UPF2: variants seen among roughly 807,000 people sequenced by gnomAD.
UPF2 encodes the protein UPF2 regulator of nonsense mediated mRNA decay, also known as regulator of nonsense transcripts 2.
A neutral mutation model predicts 141.4 loss-of-function variants in UPF2; 17 were observed. The ratio of observed to expected loss-of-function variants is 0.12; its 90% CI spans 0.08 to 0.18. The LOEUF is 0.18. UPF2 is among the 10% of genes least tolerant of loss of function. The pLI, the probability that UPF2 is intolerant of heterozygous loss-of-function variation, is 1.00. For synonymous variants in UPF2, 540 were observed against 498.0 expected (o/e 1.08, Z -1.12); for missense variants, 1,152 against 1,515.9 (o/e 0.76, Z 3.99).
At chr10:12,030,724 A>G (rs541768038) in intron 2 of UPF2, among the ~76,000 whole-genome samples, 9 of 151,362 alleles carry the variant, frequency 5.9e-5, no homozygotes, top group Admixed American at 3.3e-4. Context: ...TCTACTAAAA[A>G]TAACAAAAAA....
intron 18 of UPF2, among the ~76,000 whole-genome samples, chr10:11,937,714 T>C: frequency 6.6e-6 from 1 of 152,156 alleles, no homozygotes; most frequent in Non-Finnish European, 1.5e-5. Flanking sequence ...AGGCCCTCAA[T>C]GTCTTAGAAA....
intron 9 of UPF2, among the ~76,000 whole-genome samples, chr10:11,974,332 A>C (rs1833470072): frequency 6.6e-6 from 1 of 152,138 alleles, no homozygotes; most frequent in African/African-American, 2.4e-5. Flanking sequence ...AACAGGGACA[A>C]TTTGACTTCC....
chr10:11,986,139 C>T (rs1833688666), intron 8 of UPF2, among the ~76,000 whole-genome samples: 1 of 152,004 alleles, frequency 6.6e-6, no homozygotes, highest in Non-Finnish European at 1.5e-5. Flanking sequence ...CCGCCTCAGC[C>T]TCCCAAAGTG....
At chr10:11,983,558 G>T (rs10752251) in intron 8 of UPF2, among the ~76,000 whole-genome samples, 1 of 152,092 alleles carries the variant, frequency 6.6e-6, no homozygotes, top group African/African-American at 2.4e-5. Flanking sequence ...ATTTTTAGTA[G>T]AGACGGGGTT....
At chr10:11,990,678 C>CA (rs10650923) in intron 8 of UPF2, among the ~76,000 whole-genome samples, 5,062 of 97,930 alleles carry the variant, frequency 0.052, 367 homozygotes, top group African/African-American at 0.19. Context: ...GACTCTGTCT[C>CA]AAAAAAAAAA....
intron 3 of UPF2, among the ~76,000 whole-genome samples, chr10:12,020,312 C>T (rs1466867066): frequency 3.3e-5 from 5 of 151,288 alleles, no homozygotes; most frequent in South Asian, 2.1e-4. Flanking sequence ...AGTGCAATGG[C>T]GCAATCTCGG....
In UPF2 at chr10:11,959,031, ATTCCTTC is replaced by A. The variant is rs1194451137; in HGVS notation, c.2370+133_2370+139del. 4.7e-6 allele frequency: 3 copies of A among 638,188 alleles called. No individual in the cohort carries two copies. The highest frequency in any genetic ancestry group is 6.9e-6 in the Non-Finnish European group (3 of 433,334). 39.5% of individuals were successfully genotyped at this position (638,188 alleles called of 1,614,324 possible). A position where few individuals can be genotyped will look rare whatever the true frequency, so the allele number is the denominator to read the frequency against. ...CCAAATATTATATATCATCATAAGAATTCCTTCTTAGGGTGACTTACACAGAGCTGAT... is the reference window on the plus strand; with the variant it reads ...CCAAATATTATATATCATCATAAGAATTAGGGTGACTTACACAGAGCTGAT... On this transcript the variant is annotated intron_variant, in intron 12 of 21. Transcript: ENST00000357604. This position sits in a 1 kb window ranked among gnomAD's most constrained non-coding sequence, Gnocchi z 5.9.
intron 9 of UPF2, among the ~76,000 whole-genome samples, chr10:11,968,948 C>T (rs2131209662): frequency 6.6e-6 from 1 of 152,124 alleles, no homozygotes; most frequent in South Asian, 2.1e-4. Context: ...GCGACCTCCA[C>T]CTCCTGGGTT....
chr10:12,007,916 A>C (rs1378295743), intron 4 of UPF2, among the ~76,000 whole-genome samples: 1 of 149,880 alleles, frequency 6.7e-6, no homozygotes, highest in Non-Finnish European at 1.5e-5. Flanking sequence ...TCTGACATGG[A>C]GTCTCGCTCT....
At position 11,992,143 on chromosome 10, in the gene UPF2, CA is replaced by C. The variant is rs111374153; in HGVS notation, c.1844+5528del. Among the ~76,000 whole-genome samples, 21 of 138,078 alleles carry C rather than the reference CA, an allele frequency of 1.5e-4. No homozygotes were observed. Among genetic ancestry groups the C allele is most frequent in the African/African-American group, 1.3e-4 (5 of 37,344 alleles). 90.6% of individuals were successfully genotyped at this position (138,078 alleles called of 152,430 possible). A position where few individuals can be genotyped will look rare whatever the true frequency, so the allele number is the denominator to read the frequency against. On this transcript the variant is annotated intron_variant, in intron 8 of 21. Coordinates refer to ENST00000357604, the MANE Select transcript of UPF2 (RefSeq NM_015542.4). This position sits in a 1 kb window ranked among gnomAD's most constrained non-coding sequence, Gnocchi z 4.1. ...TGGGCAATAGAGCAAAACTCAGTCT[CA>C]AAAAAAAAAATGAAAATGACCTTCA...
intron 2 of UPF2, among the ~76,000 whole-genome samples, chr10:12,030,654 C>T (rs1470860940): frequency 1.3e-5 from 2 of 151,730 alleles, no homozygotes; most frequent in Admixed American, 6.6e-5. Flanking sequence ...GAGGCCGAGG[C>T]AGGCAGATCA....
chr10:11,931,057 G>T lies in UPF2; in HGVS notation c.3688+584C>A, dbSNP rs1832776856. Among the ~76,000 whole-genome samples the T allele has an allele frequency of 6.6e-6, 1 of 152,128 alleles. No individual in the cohort carries two copies. The highest frequency in any genetic ancestry group is 2.4e-5 in the African/African-American group (1 of 41,402). On this transcript the variant is annotated intron_variant, in intron 20 of 21. Coordinates refer to ENST00000357604, the MANE Select transcript of UPF2 (RefSeq NM_015542.4). The surrounding 1 kb of genome is among the most constrained non-coding windows in gnomAD (Gnocchi z 5.9). ...ATGCATAAAATGAGAATCCTAATTT[G>T]AGTATTTCCTCAAATCTGAAGGAAC...
chr10:11,987,382 T>C (rs1480382800), intron 8 of UPF2, among the ~76,000 whole-genome samples: 5 of 152,222 alleles, frequency 3.3e-5, no homozygotes, highest in African/African-American at 1.2e-4. Flanking sequence ...ATTAGTTGTG[T>C]GTATAGCTAT....
At chr10:12,017,023 A>G (rs890717008) in intron 3 of UPF2, among the ~76,000 whole-genome samples, 8 of 114,896 alleles carry the variant, frequency 7.0e-5, no homozygotes, top group Non-Finnish European at 1.1e-4. Flanking sequence ...CCATCTCGGA[A>G]AAAAAAAAAA....
rs1833561673 is a variant in UPF2 at position 11,979,710 on chromosome 10, T to C, written c.1845-545A>G. On this transcript the variant is annotated intron_variant, in intron 8 of 21. Coordinates refer to ENST00000357604, the MANE Select transcript of UPF2 (RefSeq NM_015542.4). The surrounding 1 kb of genome is among the most constrained non-coding windows in gnomAD (Gnocchi z 6.2). ...TCATGAGGTAAAGAGATCAAGACTA[T>C]CCTGGCTAACACGGTGAAACCCCGT... Among the ~76,000 whole-genome samples the C allele has an allele frequency of 6.6e-6, 1 of 152,056 alleles. No individual in the cohort carries two copies. The highest frequency in any genetic ancestry group is 6.6e-5 in the Admixed American group (1 of 15,260).
At chr10:12,040,820 T>A (rs952582473) in intron 1 of UPF2, among the ~76,000 whole-genome samples, 1 of 152,210 alleles carries the variant, frequency 6.6e-6, no homozygotes, top group African/African-American at 2.4e-5. Flanking sequence ...AATTCTAGCA[T>A]AGTAACTAGC....
intron 17 of UPF2, 54 bp downstream of exon 17, chr10:11,943,010 A>G: frequency 7.6e-7 from 1 of 1,320,380 alleles, no homozygotes; most frequent in Middle Eastern, 1.8e-4. Context: ...TAAAATTCAA[A>G]TACTATAAAA....
chr10:11,924,579 A>AC (rs1350477857), intron 21 of UPF2, among the ~76,000 whole-genome samples: 1 of 151,458 alleles, frequency 6.6e-6, no homozygotes, highest in African/African-American at 2.4e-5. Flanking sequence ...TGTCGTCTCA[A>AC]AAAAAAAAAT....
In UPF2 at chr10:11,997,735, T is replaced by C; in HGVS notation, c.1781A>G (p.Asn594Ser). ...IDKAAMDFCM[N>S]MNTKANRKKL... Reference sequence around the variant, plus strand: ...CTTCCTGTTTGCTTTTGTGTTCATGTTCATGCAAAAATCCATTGCTGCCTA... The same window carrying C: ...CTTCCTGTTTGCTTTTGTGTTCATGCTCATGCAAAAATCCATTGCTGCCTA... The change falls in exon 8 of 22, where the codon AAC becomes AGC. Residue 594 changes from asparagine to serine, a missense_variant. Physicochemically the swap from Asn to Ser is conservative, Grantham distance 46. Around this residue, in one of 4 missense-constraint regions of UPF2, gnomAD observed 739 missense variants for 1,032.2 expected, o/e 0.72. Transcript: ENST00000357604. The C allele has an allele frequency of 6.2e-7, 1 of 1,613,900 alleles. No individual in the cohort carries two copies. Among genetic ancestry groups the C allele is most frequent in the South Asian group, 1.1e-5 (1 of 91,076 alleles).
Sources: gnomAD v4.1 joint callset for allele counts (sites outside exome capture counted in the v4.1 genomes callset) on GRCh38, gnomAD v4.1.1 for gene constraint, gnomAD v4.1.1 regional missense constraint, Gnocchi (gnomAD v3.1) non-coding constraint, MANE v1.5 for transcripts, NCBI Gene and HGNC (gene_info 2026-07-23, HGNC 2026-07-21) for gene names.